The following BRINP1 variants were observed in gnomAD, a reference collection of about 807,000 sequenced individuals.
BRINP1 encodes the protein BMP/retinoic acid-inducible neural-specific protein 1.
In BRINP1, 17 loss-of-function variants were observed where a neutral mutation model predicts 72.9. That is an observed-to-expected ratio of 0.23 (90% CI 0.16 to 0.35). The LOEUF (loss-of-function observed/expected upper bound fraction) is 0.35. Among genes scored for constraint, BRINP1 ranks in the 10% least tolerant of loss-of-function variants. BRINP1 has a pLI of 1.00. For missense variants in BRINP1, 850 were observed against 1,001.6 expected (o/e 0.85, Z 2.04); for synonymous variants, 418 against 378.5 (o/e 1.10, Z -1.21).
intron 2 of BRINP1, among the ~76,000 whole-genome samples, chr9:119,286,332 A>C (rs1345517298): frequency 6.6e-6 from 1 of 151,326 alleles, no homozygotes; most frequent in Non-Finnish European, 1.5e-5. Flanking sequence ...TCCTGGGTTC[A>C]CGCCATTCTC....
chr9:119,246,361 G>A (rs529206436), intron 3 of BRINP1, among the ~76,000 whole-genome samples: 1 of 152,328 alleles, frequency 6.6e-6, no homozygotes, highest in South Asian at 2.1e-4. Context: ...TAGAACGAAA[G>A]CAGGCAGAAT....
intron 7 of BRINP1, among the ~76,000 whole-genome samples, chr9:119,189,154 C>G (rs1829657302): frequency 6.6e-6 from 1 of 151,162 alleles, no homozygotes; most frequent in Non-Finnish European, 1.5e-5. Context: ...CTCACAGTAA[C>G]TACAAAGAAA....
At chr9:119,231,504 T>C (rs1408286984) in intron 5 of BRINP1, among the ~76,000 whole-genome samples, 1 of 152,154 alleles carries the variant, frequency 6.6e-6, no homozygotes, top group Non-Finnish European at 1.5e-5. Flanking sequence ...CACCTTAAGC[T>C]ATTGTGCCAT....
In BRINP1 at chr9:119,214,588, A is replaced by T. The variant is rs982779958; in HGVS notation, c.686-433T>A. Among the ~76,000 whole-genome samples, 8 of 32,120 alleles carry T rather than the reference A, an allele frequency of 2.5e-4. No individual in the cohort carries two copies. The East Asian group carries it at 5.9e-3, about 24-fold the overall frequency. 21.1% of individuals were successfully genotyped at this position (32,120 alleles called of 152,430 possible). ...AGCTAGGCACTAGGCCTGTAGAGATAAAAAAAAAAAAAAGACACAATCCTT... is the reference window on the plus strand; with the variant it reads ...AGCTAGGCACTAGGCCTGTAGAGATTAAAAAAAAAAAAAGACACAATCCTT... On this transcript the variant is annotated intron_variant, in intron 5 of 7. Coordinates refer to ENST00000265922, the MANE Select transcript of BRINP1 (RefSeq NM_014618.3).
chr9:119,328,836 T>C (rs1024325547), intron 1 of BRINP1, among the ~76,000 whole-genome samples: 2 of 152,038 alleles, frequency 1.3e-5, no homozygotes, highest in African/African-American at 2.4e-5. Flanking sequence ...GAGCTGAGAA[T>C]GGTTCAAACA....
chr9:119,201,740 G>A (rs533118574), intron 7 of BRINP1, among the ~76,000 whole-genome samples: 2 of 152,140 alleles, frequency 1.3e-5, no homozygotes, highest in Non-Finnish European at 2.9e-5. Context: ...GAGGACCAAC[G>A]CACAGTTGCT....
chr9:119,168,213 T>C lies in BRINP1; in HGVS notation c.1157A>G (p.Gln386Arg). 26 of 1,513,960 alleles carry C rather than the reference T, an allele frequency of 1.7e-5. No homozygotes were observed. Among genetic ancestry groups the C allele is most frequent in the Non-Finnish European group, 2.2e-5 (25 of 1,132,688 alleles). 93.8% of individuals were successfully genotyped at this position (1,513,960 alleles called of 1,614,324 possible). ...GAGTGACTGGACCCTTGCAAGCCAC[T>C]GCTGAATTGTCCTGGGAGATAAAGG... is the stretch of plus-strand genomic sequence containing the variant. The part of the protein sequence containing the change: ...HQLPRERTIQ[Q>R]WLARVQSLLY... Residue 386 changes from glutamine to arginine, a missense_variant, in exon 8 of 8, where the codon CAG becomes CGG. Transcript: ENST00000265922.
intron 7 of BRINP1, among the ~76,000 whole-genome samples, chr9:119,189,055 G>A (rs1829656305): frequency 2.0e-5 from 3 of 152,050 alleles, no homozygotes; most frequent in African/African-American, 4.8e-5. Context: ...AATAGTTGGG[G>A]GGAGGGTAAA....
rs148962312 is a variant in BRINP1, at chr9:119,289,874, G to A, written c.218+23264C>T. On this transcript the variant is annotated intron_variant, in intron 2 of 7. Coordinates refer to ENST00000265922, the MANE Select transcript of BRINP1 (RefSeq NM_014618.3). ...TCTTGAACATGATAATTTCTCGGAA[G>A]ATGCACGACAGTCCCTAGTCCGAGT... Among the ~76,000 whole-genome samples the A allele has an allele frequency of 2.2e-3, 336 of 152,304 alleles. 2 individuals are homozygous for A. The highest frequency in any genetic ancestry group is 7.8e-3 in the African/African-American group (324 of 41,566).
chr9:119,344,082 G>C (rs150877229), intron 1 of BRINP1, among the ~76,000 whole-genome samples: 37 of 152,220 alleles, frequency 2.4e-4, no homozygotes, highest in Non-Finnish European at 4.3e-4. Context: ...GGGAGGAAGC[G>C]GGAGTCAGAG....
chr9:119,267,678 G>A (rs7866530), intron 2 of BRINP1, among the ~76,000 whole-genome samples: 2 of 134,488 alleles, frequency 1.5e-5, no homozygotes, highest in African/African-American at 2.7e-5. Flanking sequence ...AAATAAATAA[G>A]GCTATTAAAT....
At chr9:119,258,757 C>T (rs1316345373) in intron 2 of BRINP1, among the ~76,000 whole-genome samples, 2 of 152,138 alleles carry the variant, frequency 1.3e-5, no homozygotes, top group Non-Finnish European at 2.9e-5. Flanking sequence ...TGGGGTCTGT[C>T]ATGCACTTGG....
chr9:119,167,921 G>C lies in BRINP1; in HGVS notation c.1449C>G (p.Phe483Leu), dbSNP rs1294395219. The C allele has an allele frequency of 6.2e-7, 1 of 1,614,236 alleles. No individual in the cohort carries two copies. The highest frequency in any genetic ancestry group is 1.1e-5 in the South Asian group (1 of 91,084). The change falls in exon 8 of 8, where the codon TTC becomes TTG. Residue 483 changes from phenylalanine (F) to leucine (L), a missense_variant. Coordinates refer to ENST00000265922, the MANE Select transcript of BRINP1 (RefSeq NM_014618.3). This position sits in a 1 kb window ranked among gnomAD's most constrained non-coding sequence, Gnocchi z 4.3. ...GCAGGTACTTCAGCTCCAGGTCCTGGAAGTCCAGGTCAGTCTCAAAGCTGA... is the reference window on the plus strand; with the variant it reads ...GCAGGTACTTCAGCTCCAGGTCCTGCAAGTCCAGGTCAGTCTCAAAGCTGA... ...QFISFETDLDFQDLELKYLLQ... is the reference protein window; with the variant it reads ...QFISFETDLDLQDLELKYLLQ...
At chr9:119,303,358 G>A (rs1301322598) in intron 2 of BRINP1, among the ~76,000 whole-genome samples, 1 of 145,366 alleles carries the variant, frequency 6.9e-6, no homozygotes, top group African/African-American at 2.6e-5. Flanking sequence ...TGCCATGGAT[G>A]TTCTTGGGTG....
At chr9:119,334,944 G>A (rs565859135) in intron 1 of BRINP1, among the ~76,000 whole-genome samples, 2 of 152,194 alleles carry the variant, frequency 1.3e-5, no homozygotes, top group South Asian at 2.1e-4. Context: ...TTGGCTGAGC[G>A]CCACTGACTT....
intron 7 of BRINP1, among the ~76,000 whole-genome samples, chr9:119,180,664 C>T (rs1829546635): frequency 6.6e-6 from 1 of 152,100 alleles, no homozygotes; most frequent in Non-Finnish European, 1.5e-5. Context: ...CACTATTTTT[C>T]CCAGATAAAT....
chr9:119,194,436 A>G (rs1829712870), intron 7 of BRINP1, among the ~76,000 whole-genome samples: 1 of 152,162 alleles, frequency 6.6e-6, no homozygotes, highest in Non-Finnish European at 1.5e-5. Context: ...TGTAACGGTG[A>G]TGAGATAGCA....
intron 1 of BRINP1, among the ~76,000 whole-genome samples, chr9:119,363,644 T>C (rs2119045943): frequency 6.6e-6 from 1 of 152,342 alleles, no homozygotes; most frequent in East Asian, 1.9e-4. Context: ...TGATTATTCA[T>C]CTCGCTCCTC....
At chr9:119,175,044 C>G (rs1432512168) in intron 7 of BRINP1, among the ~76,000 whole-genome samples, 64 of 146,404 alleles carry the variant, frequency 4.4e-4, no homozygotes, top group Admixed American at 1.2e-3. Flanking sequence ...GTGCAGTGCA[C>G]CAGCATGGCA....
Sources: allele counts gnomAD v4.1 joint callset (sites outside exome capture counted in the v4.1 genomes callset), GRCh38; gene constraint gnomAD v4.1.1; non-coding constraint Gnocchi (gnomAD v3.1); transcripts MANE v1.5; gene names NCBI Gene and HGNC (gene_info 2026-07-23, HGNC 2026-07-21).